The following OVCH1 variants were observed in gnomAD, a reference collection of about 807,000 sequenced individuals.
OVCH1 encodes ovochymase-1.
In OVCH1, 139 loss-of-function variants were observed where a neutral mutation model predicts 138.4. The observed-to-expected ratio is 1.00, with a 90% CI of 0.87 to 1.16. OVCH1 has a LOEUF of 1.16. Ranked by LOEUF, OVCH1 falls within the 50% of genes most tolerant of loss-of-function variation. The pLI is 0.00. For missense variants in OVCH1, 1,367 were observed against 1,357.9 expected, an observed-to-expected ratio of 1.01 and a Z score of -0.11; for synonymous variants, 453 against 467.8, an observed-to-expected ratio of 0.97 and a Z score of 0.41.
exon 3 of OVCH1, chr12:29,496,265 G>A (rs758380690): frequency 1.2e-6 from 2 of 1,604,258 alleles, no homozygotes; most frequent in South Asian, 2.3e-5. Flanking sequence ...GTGCTCATCT[G>A]ATTTTAGGGA....
chr12:29,495,897 T>C (rs1943402488), intron 3 of OVCH1, among the ~76,000 whole-genome samples: 1 of 152,206 alleles, frequency 6.6e-6, no homozygotes, highest in South Asian at 2.1e-4. Flanking sequence ...ATTTAACATT[T>C]CTTGTTAATG....
At chr12:29,464,465 T>C (rs771105040) in intron 18 of OVCH1, 42 bp downstream of exon 18, 1 of 1,592,074 alleles carries the variant, frequency 6.3e-7, no homozygotes, top group Admixed American at 1.8e-5. Flanking sequence ...TTTTCAAAAA[T>C]AACAACTGGC....
intron 16 of OVCH1, among the ~76,000 whole-genome samples, chr12:29,469,709 G>A (rs73278770): frequency 0.015 from 1,916 of 128,088 alleles, 40 homozygotes; most frequent in African/African-American, 0.051. Flanking sequence ...GCAAGACCCC[G>A]TGTCTTAAAA....
At chr12:29,467,825 C>G (rs1004375000) in intron 16 of OVCH1, among the ~76,000 whole-genome samples, 4 of 152,110 alleles carry the variant, frequency 2.6e-5, no homozygotes, top group Admixed American at 1.3e-4. Flanking sequence ...GAATCAGAAG[C>G]TCTCCAGGTG....
At chr12:29,443,303 T>G (rs1941534122) in intron 25 of OVCH1, 58 bp downstream of exon 25, 1 of 1,543,778 alleles carries the variant, frequency 6.5e-7, no homozygotes, top group African/African-American at 1.4e-5. Flanking sequence ...TGAAACAATC[T>G]AAACATGTTT....
intron 3 of OVCH1, among the ~76,000 whole-genome samples, chr12:29,421,406 G>C (rs1018133891): frequency 6.6e-6 from 1 of 152,264 alleles, no homozygotes; most frequent in East Asian, 1.9e-4. Context: ...CTAGGATTCT[G>C]ATCAAGAGAT....
intron 26 of OVCH1, among the ~76,000 whole-genome samples, chr12:29,438,453 C>G (rs994764642): frequency 4.4e-5 from 4 of 91,692 alleles, no homozygotes; most frequent in Non-Finnish European, 8.7e-5. Context: ...TTAATTTCCT[C>G]TTCATCCCTC....
intron 18 of OVCH1, among the ~76,000 whole-genome samples, chr12:29,462,487 C>G (rs1483105348): frequency 2.0e-5 from 3 of 150,310 alleles, no homozygotes; most frequent in Non-Finnish European, 2.9e-5. Flanking sequence ...GTCATTGAAG[C>G]CTAATCGCAT....
intron 8 of OVCH1, among the ~76,000 whole-genome samples, chr12:29,480,050 CTGACCTCA>C (rs1237409523): frequency 2.6e-5 from 4 of 152,024 alleles, no homozygotes; most frequent in Non-Finnish European, 4.4e-5. Context: ...TCTTGAACTC[CTGACCTCA>C]TGACCTGCCC....
intron 18 of OVCH1, among the ~76,000 whole-genome samples, chr12:29,462,672 T>A (rs938895927): frequency 6.6e-6 from 1 of 152,118 alleles, no homozygotes; most frequent in Non-Finnish European, 1.5e-5. Flanking sequence ...ACAAGTACTT[T>A]ACATTTATAT....
At chr12:29,496,069 G>A (rs1038729899) in intron 3 of OVCH1, 112 bp downstream of exon 3, 4 of 936,008 alleles carry the variant, frequency 4.3e-6, no homozygotes, top group Non-Finnish European at 6.5e-6. Context: ...GGTACACTGG[G>A]AGGCAAAAGT....
chr12:29,437,482 T>G (rs530903725), intron 26 of OVCH1, among the ~76,000 whole-genome samples: 1 of 152,276 alleles, frequency 6.6e-6, no homozygotes, highest in East Asian at 1.9e-4. Flanking sequence ...ATCATAAGGG[T>G]GATAATTTGC....
exon 8 of OVCH1, chr12:29,486,255 C>T: frequency 6.2e-7 from 1 of 1,612,112 alleles, no homozygotes; most frequent in East Asian, 2.2e-5. Flanking sequence ...CATACCCTTT[C>T]CTCTCTGGCT....
At chr12:29,433,734 C>T in intron 27 of OVCH1, 4 of 1,414,470 alleles carry the variant, frequency 2.8e-6, no homozygotes, top group South Asian at 1.4e-5. Context: ...TATGTTAGTC[C>T]CTTATGATAT....
chr12:29,486,529 G>A (rs1165808279), intron 7 of OVCH1, among the ~76,000 whole-genome samples, 181 bp from the exon 8 acceptor site: 1 of 152,178 alleles, frequency 6.6e-6, no homozygotes, highest in African/African-American at 2.4e-5. Flanking sequence ...AAAGGACTAC[G>A]TGGAAGCAGG....
intron 3 of OVCH1, among the ~76,000 whole-genome samples, chr12:29,416,120 G>A (rs1941028443): frequency 6.6e-6 from 1 of 151,594 alleles, no homozygotes; most frequent in African/African-American, 2.4e-5. Context: ...GAAAAAGAGA[G>A]AAAGGAACTT....
At chr12:29,488,534 G>T (rs537652690) in intron 6 of OVCH1, among the ~76,000 whole-genome samples, 17 of 148,034 alleles carry the variant, frequency 1.1e-4, no homozygotes, top group African/African-American at 4.0e-4. Context: ...CAGGAGAATT[G>T]CTTGAACCTG....
intron 25 of OVCH1, chr12:29,439,551 T>A (rs1206220094): frequency 4.7e-6 from 6 of 1,263,460 alleles, no homozygotes; most frequent in Non-Finnish European, 6.1e-6. Context: ...CTACAACTAC[T>A]GCTACTCTCG....
chr12:29,462,017 G>T lies in OVCH1; in HGVS notation c.2126-9C>A. ...ACTTGCTAGGCCACCATCTAATGAAGAAACATTCAGAGAGAGCTCGATGAT... is the reference window on the plus strand; with the variant it reads ...ACTTGCTAGGCCACCATCTAATGAATAAACATTCAGAGAGAGCTCGATGAT... On this transcript the variant is annotated splice_polypyrimidine_tract_variant and intron_variant, in intron 18 of 27. Transcript: ENST00000318184. 1 of 1,610,112 alleles carries T rather than the reference G, an allele frequency of 6.2e-7. No homozygotes were observed. Among genetic ancestry groups the T allele is most frequent in the Non-Finnish European group, 8.5e-7 (1 of 1,176,944 alleles).
Sources: gnomAD v4.1 joint callset for allele counts (sites outside exome capture counted in the v4.1 genomes callset) on GRCh38, gnomAD v4.1.1 for gene constraint, MANE v1.5 for transcripts, NCBI Gene and HGNC (gene_info 2026-07-23, HGNC 2026-07-21) for gene names.